KIF13A: variants seen among roughly 807,000 people sequenced by gnomAD.
KIF13A encodes kinesin family member 13A.
In KIF13A, 79 loss-of-function variants were observed where a neutral mutation model predicts 212.2. The observed-to-expected ratio is 0.37, with a 90% CI of 0.31 to 0.45. KIF13A has a LOEUF of 0.45. Ranked by LOEUF, KIF13A falls within the 20% of genes least tolerant of loss-of-function variation. KIF13A has a pLI of 1.00. For missense variants in KIF13A, 1,901 were observed against 2,209.0 expected, an observed-to-expected ratio of 0.86 and a Z score of 2.79; for synonymous variants, 789 against 808.6, an observed-to-expected ratio of 0.98 and a Z score of 0.41.
Position 17,787,632 on chromosome 6 carries a change from C to CA in KIF13A, c.3361+143dup. On this transcript the variant is annotated intron_variant, in intron 27 of 38. Coordinates refer to ENST00000259711, the MANE Select transcript of KIF13A (RefSeq NM_022113.6). This position sits in a 1 kb window ranked among gnomAD's most constrained non-coding sequence, Gnocchi z 4.6. ...TGCCACTGCACTCCAGCTTGGGTGA[C>CA]AGAGTGAGACCCTGTCTTAAAACAA... 1.6e-6 allele frequency: 1 copy of CA among 606,842 alleles called. No homozygotes were observed. The highest frequency in any genetic ancestry group is 3.4e-4 in the Middle Eastern group (1 of 2,958). 37.6% of individuals were successfully genotyped at this position (606,842 alleles called of 1,614,324 possible). A position where few individuals can be genotyped will look rare whatever the true frequency, so the allele number is the denominator to read the frequency against.
intron 3 of KIF13A, among the ~76,000 whole-genome samples, chr6:17,893,065 A>G (rs538575552): frequency 4.5e-4 from 69 of 152,342 alleles, no homozygotes; most frequent in Non-Finnish European, 6.3e-4. Context: ...GGTCTGTGCT[A>G]ACTCCAGGTA....
At chr6:17,924,093 TA>T (rs928218065) in intron 2 of KIF13A, among the ~76,000 whole-genome samples, 2 of 152,218 alleles carry the variant, frequency 1.3e-5, no homozygotes, top group Non-Finnish European at 2.9e-5. Flanking sequence ...ATTTTAAAAT[TA>T]TTTTTAAAAC....
chr6:17,882,256 G>A, intron 3 of KIF13A: 1 of 343,522 alleles, frequency 2.9e-6, no homozygotes, highest in Admixed American at 3.6e-5. Context: ...AATTTTAGGG[G>A]CTACAGGGAA....
At chr6:17,833,827 G>A in intron 12 of KIF13A, 134 bp downstream of exon 12, 1 of 495,414 alleles carries the variant, frequency 2.0e-6, no homozygotes, top group Non-Finnish European at 3.4e-6. Flanking sequence ...CTGCACCCCA[G>A]CCTGGGCGAC....
At chr6:17,922,928 C>T (rs957297783) in intron 2 of KIF13A, among the ~76,000 whole-genome samples, 1 of 151,706 alleles carries the variant, frequency 6.6e-6, no homozygotes, top group South Asian at 2.1e-4. Flanking sequence ...CCAGCCTGCA[C>T]ATATGTTTTA....
At chr6:17,884,984 T>C (rs535455776) in intron 3 of KIF13A, among the ~76,000 whole-genome samples, 29 of 152,336 alleles carry the variant, frequency 1.9e-4, no homozygotes, top group Non-Finnish European at 3.8e-4. Context: ...CACCACACCA[T>C]GTTATGAGCA....
In KIF13A at chr6:17,926,399, AT is replaced by A; in HGVS notation, c.147-28220del. ...AGGCACGCACCACCACACCCGGCTA[AT>A]TTTTGTATTTTTAGTAGAGATGGTG... On this transcript the variant is annotated intron_variant, in intron 2 of 38. Coordinates refer to ENST00000259711, the MANE Select transcript of KIF13A (RefSeq NM_022113.6). The surrounding 1 kb of genome is among the most constrained non-coding windows in gnomAD (Gnocchi z 4.3). Among the ~76,000 whole-genome samples, 1 of 152,130 alleles carries A rather than the reference AT, an allele frequency of 6.6e-6. No homozygotes were observed. The highest frequency in any genetic ancestry group is 3.4e-3 in the Middle Eastern group (1 of 294).
intron 2 of KIF13A, chr6:17,950,988 G>A (rs1777796160): frequency 1.0e-6 from 1 of 977,882 alleles, no homozygotes; most frequent in South Asian, 4.7e-5. Context: ...TTTCTCAAAT[G>A]AATATAACAC....
At position 17,865,057 on chromosome 6, in the gene KIF13A, A is replaced by G. The variant is rs1006267260; in HGVS notation, c.220+8320T>C. ...CTGTGTTCTAGAAAGTGAGAGAATG[A>G]AATGGGAGGATATACGCCCTATCTT... On this transcript the variant is annotated intron_variant, in intron 4 of 38. Transcript: ENST00000259711. Among the ~76,000 whole-genome samples the G allele has an allele frequency of 2.6e-5, 4 of 152,230 alleles. No homozygotes were observed. The South Asian group carries it at 8.3e-4, about 32-fold the overall frequency.
rs150923165 is a variant in KIF13A at position 17,847,881 on chromosome 6, G to A, written c.830+1496C>T. Among the ~76,000 whole-genome samples the A allele has an allele frequency of 7.0e-3, 1,061 of 152,112 alleles. 11 individuals are homozygous for A. The highest frequency in any genetic ancestry group is 0.024 in the African/African-American group (1,001 of 41,504). ...GGCTGGAGTACAGTGGCGCGATCTC[G>A]GCTCACCGCAACCTCTGTCTCCCGG... On this transcript the variant is annotated intron_variant, in intron 9 of 38. Coordinates refer to ENST00000259711, the MANE Select transcript of KIF13A (RefSeq NM_022113.6).
At position 17,951,492 on chromosome 6, in the gene KIF13A, C is replaced by A; in HGVS notation, c.146+35562G>T. On this transcript the variant is annotated intron_variant, in intron 2 of 38. Coordinates refer to ENST00000259711, the MANE Select transcript of KIF13A (RefSeq NM_022113.6). The surrounding 1 kb of genome is among the most constrained non-coding windows in gnomAD (Gnocchi z 4.9). ...TAATTTATATACCATACAATTTACC[C>A]ACTAAAAGTGTCCAATTCAGTGATT... The A allele has an allele frequency of 2.2e-6, 1 of 452,994 alleles. No individual in the cohort carries two copies. The highest frequency in any genetic ancestry group is 4.4e-5 in the South Asian group (1 of 22,918). The allele number at this position is 452,994 out of a possible 1,614,324, so 28.1% of individuals were successfully genotyped here. A position where few individuals can be genotyped will look rare whatever the true frequency, so the allele number is the denominator to read the frequency against.
intron 19 of KIF13A, 75 bp downstream of exon 19, chr6:17,805,400 T>A: frequency 2.6e-6 from 2 of 775,362 alleles, no homozygotes; most frequent in Non-Finnish European, 4.3e-6. Context: ...TGTGTGTGTG[T>A]GTGTGTGTTG....
chr6:17,863,407 A>C (rs567350186), intron 4 of KIF13A, among the ~76,000 whole-genome samples: 5 of 149,544 alleles, frequency 3.3e-5, no homozygotes, highest in Non-Finnish European at 5.9e-5. Context: ...GGGTACAGGG[A>C]AAAAAAAAAC....
intron 16 of KIF13A, chr6:17,821,913 T>TA: frequency 6.5e-7 from 1 of 1,535,136 alleles, no homozygotes; most frequent in Non-Finnish European, 8.7e-7. Flanking sequence ...CACCTAGCAG[T>TA]AGAGGGGAAT....
At position 17,856,631 on chromosome 6, in the gene KIF13A, C is replaced by T. The variant is rs75176858; in HGVS notation, c.221-509G>A. Among the ~76,000 whole-genome samples, 957 of 152,260 alleles carry T rather than the reference C, an allele frequency of 6.3e-3. 14 individuals carry two copies. The highest frequency in any genetic ancestry group is 0.021 in the African/African-American group (884 of 41,532). ...TGCTGTTTGTAGATTCACAGGCACC[C>T]GTCACCTGTGTCCCCACAGCGGGAG... On this transcript the variant is annotated intron_variant, in intron 4 of 38. Transcript: ENST00000259711. This position sits in a 1 kb window ranked among gnomAD's most constrained non-coding sequence, Gnocchi z 4.5.
intron 2 of KIF13A, among the ~76,000 whole-genome samples, chr6:17,969,743 A>G (rs1218744227): frequency 6.6e-6 from 1 of 152,188 alleles, no homozygotes; most frequent in Non-Finnish European, 1.5e-5. Flanking sequence ...ATTTTACCCC[A>G]GAACTGTTTA....
rs572569786 is a variant in KIF13A, at chr6:17,981,918, G to A, written c.146+5136C>T. 4.6e-5 allele frequency among the ~76,000 whole-genome samples: 7 copies of A among 152,228 alleles called. No homozygotes were observed. In the South Asian group the frequency reaches 1.5e-3, roughly 32 times the overall value. On this transcript the variant is annotated intron_variant, in intron 2 of 38. Coordinates refer to ENST00000259711, the MANE Select transcript of KIF13A (RefSeq NM_022113.6). The stretch of plus-strand genomic sequence containing the variant: ...AAATTTCTGGTCTACAGAGACACAG[G>A]AGCCAAGGAACCATCCTAGAAGCCT...
intron 14 of KIF13A, among the ~76,000 whole-genome samples, chr6:17,827,658 G>C (rs1027992292): frequency 4.6e-5 from 7 of 151,916 alleles, no homozygotes; most frequent in African/African-American, 1.5e-4. Context: ...GCTGGGACTA[G>C]AGGAATTGAA....
At chr6:17,854,264 G>C (rs1197261989) in intron 6 of KIF13A, among the ~76,000 whole-genome samples, 4 of 151,632 alleles carry the variant, frequency 2.6e-5, no homozygotes, top group African/African-American at 9.7e-5. Context: ...TCAGCCACCT[G>C]AGTAGCTGGG....
Sources: allele counts gnomAD v4.1 joint callset (sites outside exome capture counted in the v4.1 genomes callset), GRCh38; gene constraint gnomAD v4.1.1; non-coding constraint Gnocchi (gnomAD v3.1); transcripts MANE v1.5; gene names NCBI Gene and HGNC (gene_info 2026-07-23, HGNC 2026-07-21).